The following ERC1 variants were observed in gnomAD, a reference collection of about 807,000 sequenced individuals.
ERC1 encodes ELKS/RAB6-interacting/CAST family member 1.
ERC1 carries 56 observed loss-of-function variants against 132.0 expected under a neutral mutation model. The observed-to-expected ratio is 0.42, with a 90% CI of 0.34 to 0.53. ERC1 has a LOEUF of 0.53. ERC1 is among the 20% of genes least tolerant of loss of function. The pLI is 0.03. For missense variants in ERC1, 1,202 were observed against 1,349.9 expected (o/e 0.89, Z 1.72); for synonymous variants, 478 against 476.1 (o/e 1.00, Z -0.05).
intron 18 of ERC1, among the ~76,000 whole-genome samples, chr12:1,473,531 AAGGC>A (rs1040173382): frequency 6.6e-6 from 1 of 151,232 alleles, no homozygotes; most frequent in Non-Finnish European, 1.5e-5. Flanking sequence ...TCAGCGGTCT[AAGGC>A]AGGAAGATCA....
chr12:1,035,910 T>C (rs1968978213), intron 2 of ERC1, among the ~76,000 whole-genome samples: 1 of 151,026 alleles, frequency 6.6e-6, no homozygotes, highest in Non-Finnish European at 1.5e-5. Context: ...AGACAGAGCA[T>C]GACTCCGTCT....
intron 18 of ERC1, among the ~76,000 whole-genome samples, chr12:1,461,760 A>G (rs1478136414): frequency 2.0e-5 from 3 of 152,326 alleles, no homozygotes; most frequent in African/African-American, 2.4e-5. Flanking sequence ...TTAATTCCAG[A>G]TATTAACCAA....
Position 1,368,370 on chromosome 12 carries a change from T to G in ERC1, c.2781-3463T>G, listed in dbSNP as rs183773464. Among the ~76,000 whole-genome samples, 103 of 152,348 alleles carry G rather than the reference T, an allele frequency of 6.8e-4. 1 individual carries two copies. The highest frequency in any genetic ancestry group is 2.4e-3 in the African/African-American group (101 of 41,582). On this transcript the variant is annotated intron_variant, in intron 15 of 18. Coordinates refer to ENST00000360905, the MANE Select transcript of ERC1 (RefSeq NM_178040.4). ...CAGTTTTTCTTCAATGACTGTGTACTACTTTTATCAGAAAATACTTTTTTT... is the reference window on the plus strand; with the variant it reads ...CAGTTTTTCTTCAATGACTGTGTACGACTTTTATCAGAAAATACTTTTTTT...
intron 1 of ERC1, among the ~76,000 whole-genome samples, chr12:1,002,461 A>G (rs2154132739): frequency 6.6e-6 from 1 of 151,786 alleles, no homozygotes; most frequent in South Asian, 2.1e-4. Context: ...TGCTGGGACT[A>G]CAGGTGTGAG....
intron 14 of ERC1, among the ~76,000 whole-genome samples, chr12:1,268,196 CT>C (rs1315677948): frequency 6.6e-6 from 1 of 152,148 alleles, no homozygotes; most frequent in Non-Finnish European, 1.5e-5. Context: ...TTCTTATTGC[CT>C]TTTTTACTTT....
At chr12:1,459,716 G>C (rs2093609285) in intron 18 of ERC1, among the ~76,000 whole-genome samples, 1 of 152,198 alleles carries the variant, frequency 6.6e-6, no homozygotes, top group Admixed American at 6.5e-5. Flanking sequence ...ATGTATGTCA[G>C]TTAATTAGCA....
chr12:1,047,580 G>C (rs1367681199), intron 2 of ERC1, among the ~76,000 whole-genome samples: 1 of 152,158 alleles, frequency 6.6e-6, no homozygotes, highest in Non-Finnish European at 1.5e-5. Context: ...GAATAAACTA[G>C]AATTAGTGTG....
At chr12:1,457,522 C>G (rs2093563667) in intron 18 of ERC1, among the ~76,000 whole-genome samples, 2 of 152,060 alleles carry the variant, frequency 1.3e-5, no homozygotes, top group African/African-American at 4.8e-5. Context: ...AATATTGCTA[C>G]TCAAATATCT....
chr12:1,322,137 CTTA>C (rs988618660), intron 15 of ERC1, among the ~76,000 whole-genome samples: 3 of 140,952 alleles, frequency 2.1e-5, no homozygotes, highest in East Asian at 1.9e-4. Context: ...GGATTATATA[CTTA>C]TTATATACTT....
chr12:1,135,824 A>G (rs1949194276), intron 7 of ERC1, among the ~76,000 whole-genome samples: 1 of 152,168 alleles, frequency 6.6e-6, no homozygotes, highest in South Asian at 2.1e-4. Context: ...GAACTTGGAG[A>G]GAGGAAAATA....
At chr12:1,151,391 A>G (rs899395762) in intron 8 of ERC1, among the ~76,000 whole-genome samples, 1 of 152,194 alleles carries the variant, frequency 6.6e-6, no homozygotes, top group African/African-American at 2.4e-5. Context: ...TCTCCAAGTC[A>G]CCATAGACCA....
chr12:1,418,582 TTTC>T (rs2092243005), intron 17 of ERC1, among the ~76,000 whole-genome samples: 1 of 102,992 alleles, frequency 9.7e-6, no homozygotes, highest in Admixed American at 1.0e-4. Flanking sequence ...TCTTTCTTTC[TTTC>T]TTTCTCTTTC....
intron 18 of ERC1, among the ~76,000 whole-genome samples, chr12:1,458,682 G>A (rs985955746): frequency 6.6e-6 from 1 of 152,168 alleles, no homozygotes; most frequent in Admixed American, 6.5e-5. Context: ...CGGATTACAG[G>A]CATGCGCCAC....
chr12:1,019,155 G>A (rs1965956081), intron 1 of ERC1, among the ~76,000 whole-genome samples: 1 of 152,102 alleles, frequency 6.6e-6, no homozygotes, highest in African/African-American at 2.4e-5. Context: ...ACAACGTCTG[G>A]CTCTGTCTCC....
intron 15 of ERC1, among the ~76,000 whole-genome samples, chr12:1,354,212 G>A (rs2085306024): frequency 6.6e-6 from 1 of 151,934 alleles, no homozygotes; most frequent in Middle Eastern, 3.2e-3. Context: ...GATTCATAAG[G>A]TTGATGTAAA....
intron 15 of ERC1, among the ~76,000 whole-genome samples, chr12:1,360,527 A>G (rs1286769535): frequency 1.3e-5 from 2 of 152,224 alleles, no homozygotes. Flanking sequence ...TCCAAAACCT[A>G]TCACTCTGAT....
intron 12 of ERC1, among the ~76,000 whole-genome samples, chr12:1,221,921 C>G (rs532234458): frequency 1.3e-5 from 2 of 152,294 alleles, no homozygotes; most frequent in East Asian, 3.9e-4. Context: ...AGAAACATCA[C>G]TATGTGGTAT....
At chr12:1,232,855 G>A (rs1277571777) in intron 12 of ERC1, among the ~76,000 whole-genome samples, 6 of 151,226 alleles carry the variant, frequency 4.0e-5, no homozygotes, top group East Asian at 3.9e-4. Context: ...GGTTTACTTC[G>A]GTGATGTGTT....
rs369773653 is a variant in ERC1 at position 1,027,919 on chromosome 12, C to T, written c.16C>T (p.Arg6Cys). The change falls in exon 2 of 19, where the codon CGC becomes TGC. Residue 6 changes from arginine (R) to cysteine (C), a missense_variant. Physicochemically the swap from Arg to Cys is radical, Grantham distance 180. Coordinates refer to ENST00000360905, the MANE Select transcript of ERC1 (RefSeq NM_178040.4). MYGSARSVGKVEPSSQ... is the reference protein window; with the variant it reads MYGSACSVGKVEPSSQ... ...CCTTGCAACCATGTATGGAAGTGCC[C>T]GCTCTGTTGGGAAGGTGGAGCCGAG... The T allele has an allele frequency of 5.7e-5, 92 of 1,607,338 alleles. No individual in the cohort carries two copies. The highest frequency in any genetic ancestry group is 3.4e-5 in the Non-Finnish European group (40 of 1,175,370).
Sources: allele counts gnomAD v4.1 joint callset (sites outside exome capture counted in the v4.1 genomes callset), GRCh38; gene constraint gnomAD v4.1.1; transcripts MANE v1.5; gene names NCBI Gene and HGNC (gene_info 2026-07-23, HGNC 2026-07-21).